Variants in SOX5 observed in about 807,000 individuals in gnomAD.
SOX5 encodes the protein SRY-box transcription factor 5.
SOX5 carries 9 observed loss-of-function variants against 92.0 expected under a neutral mutation model. The observed-to-expected ratio is 0.10, with a 90% CI of 0.06 to 0.17. The LOEUF is 0.17. Ranked by LOEUF, SOX5 falls within the 10% of genes least tolerant of loss-of-function variation. The pLI is 1.00. For missense variants in SOX5, 642 were observed against 944.5 expected, an observed-to-expected ratio of 0.68 and a Z score of 4.20; for synonymous variants, 344 against 336.3, an observed-to-expected ratio of 1.02 and a Z score of -0.25.
chr12:23,572,751 C>A (rs765616298), intron 10 of SOX5, among the ~76,000 whole-genome samples: 4 of 152,102 alleles, frequency 2.6e-5, no homozygotes, highest in Non-Finnish European at 4.4e-5. Context: ...TTACATAGTA[C>A]ATGAAAGTAA....
At chr12:24,306,637 G>A (rs1948604002) in intron 2 of SOX5, among the ~76,000 whole-genome samples, 1 of 152,178 alleles carries the variant, frequency 6.6e-6, no homozygotes, top group Non-Finnish European at 1.5e-5. Flanking sequence ...CAACGCTGAG[G>A]CCACTTCTGG....
At chr12:23,777,345 A>T (rs1023066464) in intron 3 of SOX5, among the ~76,000 whole-genome samples, 2 of 152,198 alleles carry the variant, frequency 1.3e-5, no homozygotes, top group African/African-American at 4.8e-5. Context: ...ACAGGCAGGG[A>T]TACTCTTGTT....
intron 3 of SOX5, among the ~76,000 whole-genome samples, chr12:24,257,411 C>G (rs143188951): frequency 5.6e-4 from 85 of 152,210 alleles, no homozygotes; most frequent in South Asian, 1.2e-3. Context: ...TCTGATTTCT[C>G]TAAGTCACAA....
chr12:24,404,058 G>A (rs532141982), intron 1 of SOX5, among the ~76,000 whole-genome samples: 15 of 152,204 alleles, frequency 9.9e-5, no homozygotes, highest in African/African-American at 2.6e-4. Flanking sequence ...AAAACAATCC[G>A]ATAATTCTCC....
chr12:23,614,848 C>A (rs1043525629), intron 8 of SOX5, among the ~76,000 whole-genome samples: 24 of 152,208 alleles, frequency 1.6e-4, no homozygotes, highest in African/African-American at 5.8e-4. Flanking sequence ...GATGCCCAGG[C>A]TGGAGTGCAA....
intron 6 of SOX5, among the ~76,000 whole-genome samples, chr12:23,686,493 AATTGGCGACTCTCTAATGCC>A (rs2087612493): frequency 6.6e-6 from 1 of 152,200 alleles, no homozygotes; most frequent in South Asian, 2.1e-4. Context: ...AAGCAATGCC[AATTGGCGACTCTCTAATGCC>A]ATTCAAACTT....
intron 3 of SOX5, among the ~76,000 whole-genome samples, chr12:24,245,267 G>GTGTGTA (rs1555193883): frequency 6.6e-6 from 1 of 151,550 alleles, no homozygotes; most frequent in Non-Finnish European, 1.5e-5. Flanking sequence ...GTGTGTGTGT[G>GTGTGTA]TGTGTGTGCC....
intron 2 of SOX5, among the ~76,000 whole-genome samples, chr12:23,847,168 G>C (rs2096584479): frequency 6.6e-6 from 1 of 152,024 alleles, no homozygotes; most frequent in Admixed American, 6.6e-5. Flanking sequence ...GATTTTCCTT[G>C]TATAGTCTCT....
intron 4 of SOX5, among the ~76,000 whole-genome samples, chr12:24,018,346 T>C (rs1404530162): frequency 6.6e-6 from 1 of 152,200 alleles, no homozygotes; most frequent in East Asian, 1.9e-4. Flanking sequence ...GAATATATTT[T>C]AGGAAAGAAA....
At chr12:23,614,027 T>C (rs575789280) in intron 8 of SOX5, among the ~76,000 whole-genome samples, 1 of 152,192 alleles carries the variant, frequency 6.6e-6, no homozygotes, top group South Asian at 2.1e-4. Flanking sequence ...TCCCTCCTCT[T>C]CCCACCCCTA....
chr12:23,654,956 T>A (rs2082130244), intron 7 of SOX5, among the ~76,000 whole-genome samples: 1 of 152,086 alleles, frequency 6.6e-6, no homozygotes, highest in African/African-American at 2.4e-5. Context: ...CTAACTATTT[T>A]CAATAAGAGA....
chr12:23,568,429 C>T (rs535002712), intron 10 of SOX5, among the ~76,000 whole-genome samples: 18 of 152,264 alleles, frequency 1.2e-4, no homozygotes, highest in African/African-American at 1.9e-4. Context: ...TGGTCTTTAC[C>T]ATGTCTCTAA....
chr12:23,536,403 A>C (rs1232299635), intron 14 of SOX5, 50 bp downstream of exon 14: 1 of 1,338,980 alleles, frequency 7.5e-7, no homozygotes, highest in Non-Finnish European at 1.1e-6. Context: ...CATCCCATTA[A>C]GTATAACAGG....
At chr12:24,082,360 C>T (rs1943445030) in intron 4 of SOX5, among the ~76,000 whole-genome samples, 1 of 98,294 alleles carries the variant, frequency 1.0e-5, no homozygotes. Context: ...CAAACAAAAT[C>T]AATTGCTGTA....
At chr12:24,421,654 T>C (rs1038214627) in intron 1 of SOX5, among the ~76,000 whole-genome samples, 2 of 152,198 alleles carry the variant, frequency 1.3e-5, no homozygotes, top group African/African-American at 4.8e-5. Context: ...TCAAACACAT[T>C]CCTGTTTTCT....
At chr12:23,899,411 A>AG (rs1300882582) in intron 1 of SOX5, among the ~76,000 whole-genome samples, 1 of 143,378 alleles carries the variant, frequency 7.0e-6, no homozygotes, top group African/African-American at 2.7e-5. Flanking sequence ...AAAAAAAAGA[A>AG]AAAAAAAAAA....
intron 1 of SOX5, among the ~76,000 whole-genome samples, chr12:23,918,811 G>A (rs1210403662): frequency 6.7e-6 from 1 of 148,168 alleles, no homozygotes; most frequent in Non-Finnish European, 1.5e-5. Context: ...CAGCTACTCA[G>A]GCGGCTGAGG....
chr12:23,683,263 T>C (rs527579230), intron 6 of SOX5, among the ~76,000 whole-genome samples: 65 of 151,996 alleles, frequency 4.3e-4, no homozygotes, highest in African/African-American at 1.5e-3. Context: ...ATTCTGCTTG[T>C]GTCTGATTGT....
chr12:23,910,294 C>T (rs901061295), intron 1 of SOX5, among the ~76,000 whole-genome samples: 1 of 151,976 alleles, frequency 6.6e-6, no homozygotes, highest in South Asian at 2.1e-4. Flanking sequence ...AGGGAGTTGG[C>T]TAAATGCATA....
Sources: allele counts gnomAD v4.1 joint callset (sites outside exome capture counted in the v4.1 genomes callset), GRCh38; gene constraint gnomAD v4.1.1; transcripts MANE v1.5; gene names NCBI Gene and HGNC (gene_info 2026-07-23, HGNC 2026-07-21).